Variants in HEATR5B observed in about 807,000 individuals in gnomAD.
HEATR5B encodes the protein HEAT repeat containing 5B.
A neutral mutation model predicts 224.1 loss-of-function variants in HEATR5B; 156 were observed. That is an observed-to-expected ratio of 0.70 (90% CI 0.61 to 0.80). The LOEUF (loss-of-function observed/expected upper bound fraction) is 0.80. Ranked by LOEUF, HEATR5B falls within the 30% of genes least tolerant of loss-of-function variation. The pLI, the probability that HEATR5B is intolerant of heterozygous loss-of-function variation, is 0.00. For missense variants in HEATR5B, 2,323 were observed against 2,535.5 expected (o/e 0.92, Z 1.80); for synonymous variants, 1,027 against 893.0 (o/e 1.15, Z -2.68).
At chr2:37,023,607 A>G (rs1255756672) in intron 24 of HEATR5B, among the ~76,000 whole-genome samples, 2 of 151,964 alleles carry the variant, frequency 1.3e-5, no homozygotes, top group Non-Finnish European at 2.9e-5. Flanking sequence ...CGTCTCTACT[A>G]AAAATACAAA....
intron 26 of HEATR5B, among the ~76,000 whole-genome samples, chr2:37,015,182 T>C (rs1668039266): frequency 6.6e-6 from 1 of 152,182 alleles, no homozygotes; most frequent in Non-Finnish European, 1.5e-5. Flanking sequence ...ATAGGAGAGT[T>C]ACATGAGGAA....
At position 37,084,312 on chromosome 2, in the gene HEATR5B, A is replaced by G. The variant is rs1572968674; in HGVS notation, c.-66T>C. 1 of 400,052 alleles carries G rather than the reference A, an allele frequency of 2.5e-6. No homozygotes were observed. Among genetic ancestry groups the G allele is most frequent in the Non-Finnish European group, 4.4e-6 (1 of 228,428 alleles). The allele number at this position is 400,052 out of a possible 1,614,324, so 24.8% of individuals were successfully genotyped here. A position where few individuals can be genotyped will look rare whatever the true frequency, so the allele number is the denominator to read the frequency against. Reference sequence around the variant, plus strand: ...AGATCAGCTGAGCTCCGGGGGTAGAAGCAGCCACCAAGAGACCCGGATGCC... The same window carrying G: ...AGATCAGCTGAGCTCCGGGGGTAGAGGCAGCCACCAAGAGACCCGGATGCC... On this transcript the variant is annotated 5_prime_UTR_variant, in exon 1 of 36. Transcript: ENST00000233099.
intron 7 of HEATR5B, among the ~76,000 whole-genome samples, chr2:37,069,670 G>C (rs185007692): frequency 7.2e-5 from 11 of 152,144 alleles, no homozygotes; most frequent in Admixed American, 7.2e-4. Context: ...GCAAAATGTA[G>C]GAACTTCATT....
Position 37,065,785 on chromosome 2 carries a change from C to T in HEATR5B, c.1303G>A (p.Ala435Thr), listed in dbSNP as rs1348780312. Residue 435 changes from alanine to threonine, a missense_variant, in exon 9 of 36, where the codon GCA (alanine) becomes ACA (threonine). Coordinates refer to ENST00000233099, the MANE Select transcript of HEATR5B (RefSeq NM_019024.3). The stretch of plus-strand genomic sequence containing the variant: ...GATGCTTCTTGAATAAGAGGGGATG[C>T]GGTGGCATTCAAGCTCTGCACCAGG... ...GSLVQSLNAT[A>T]SPLIQEASIG... 1.9e-6 allele frequency: 3 copies of T among 1,613,482 alleles called. No individual in the cohort carries two copies. Among genetic ancestry groups the T allele is most frequent in the South Asian group, 1.1e-5 (1 of 91,012 alleles).
Position 37,084,299 on chromosome 2 carries a change from C to T in HEATR5B, c.-53G>A, listed in dbSNP as rs1672836971. ...AGTCTGGAAGGGAAGATCAGCTGAG[C>T]TCCGGGGGTAGAAGCAGCCACCAAG... On this transcript the variant is annotated 5_prime_UTR_variant, in exon 1 of 36. Coordinates refer to ENST00000233099, the MANE Select transcript of HEATR5B (RefSeq NM_019024.3). 5.0e-6 allele frequency: 2 copies of T among 396,842 alleles called. No individual in the cohort carries two copies. Among genetic ancestry groups the T allele is most frequent in the South Asian group, 1.4e-4 (1 of 7,016 alleles). The allele number at this position is 396,842 out of a possible 1,614,324, so 24.6% of individuals were successfully genotyped here.
At chr2:37,018,083 AG>A (rs1216359324) in intron 26 of HEATR5B, among the ~76,000 whole-genome samples, 5 of 152,116 alleles carry the variant, frequency 3.3e-5, no homozygotes, top group African/African-American at 1.2e-4. Context: ...CTTAAAGGAA[AG>A]GAACTTGTAA....
chr2:37,040,911 G>T (rs1329446448), intron 19 of HEATR5B: 2 of 481,020 alleles, frequency 4.2e-6, no homozygotes, highest in Non-Finnish European at 7.3e-6. Flanking sequence ...ACAATAAAAA[G>T]AAAATATGTT....
intron 16 of HEATR5B, among the ~76,000 whole-genome samples, chr2:37,054,189 TCTG>T (rs1284305505): frequency 4.5e-5 from 5 of 110,850 alleles, no homozygotes; most frequent in South Asian, 5.8e-4. Flanking sequence ...AGATGATTTC[TCTG>T]TTTTTTTTTT....
intron 24 of HEATR5B, among the ~76,000 whole-genome samples, chr2:37,023,972 C>T (rs1259941540): frequency 6.6e-6 from 1 of 152,142 alleles, no homozygotes; most frequent in African/African-American, 2.4e-5. Context: ...CTCATGTTTA[C>T]TGCAGGACTA....
In HEATR5B at chr2:37,049,857, A is replaced by AG. The variant is rs1383676598; in HGVS notation, c.2506-15_2506-14insC. 1.4e-6 allele frequency: 2 copies of AG among 1,474,578 alleles called. No individual in the cohort carries two copies. Among genetic ancestry groups the AG allele is most frequent in the African/African-American group, 2.9e-5 (2 of 68,702 alleles). 91.3% of individuals were successfully genotyped at this position (1,474,578 alleles called of 1,614,324 possible). On this transcript the variant is annotated splice_polypyrimidine_tract_variant and intron_variant, in intron 17 of 35. Coordinates refer to ENST00000233099, the MANE Select transcript of HEATR5B (RefSeq NM_019024.3). ...TTCAGCTAAGCCCTACATTAAAAAA[A>AG]AAAAAAAAAAAAAGACAGCAATTCA... is the stretch of plus-strand genomic sequence containing the variant.
chr2:36,981,927 A>C, intron 35 of HEATR5B, 133 bp from the exon 36 acceptor site: 2 of 498,746 alleles, frequency 4.0e-6, no homozygotes, highest in South Asian at 9.4e-5. Context: ...TTAGACCTCA[A>C]TAACTCGTAA....
chr2:37,018,358 A>C (rs529265370), intron 26 of HEATR5B, among the ~76,000 whole-genome samples: 7 of 152,324 alleles, frequency 4.6e-5, no homozygotes, highest in African/African-American at 1.7e-4. Context: ...ATCATGATAC[A>C]CTTATTTACA....
At chr2:37,055,199 T>C (rs1396343990) in intron 16 of HEATR5B, 2 of 242,992 alleles carry the variant, frequency 8.2e-6, no homozygotes, top group Non-Finnish European at 8.7e-6. Flanking sequence ...ATCATGAGCA[T>C]CTTCTATCAA....
At chr2:37,065,633 TA>T in intron 9 of HEATR5B, 121 bp downstream of exon 9, 3 of 866,378 alleles carry the variant, frequency 3.5e-6, no homozygotes, top group Non-Finnish European at 3.5e-6. Flanking sequence ...TTAATTTAAG[TA>T]AAACCTGATG....
intron 28 of HEATR5B, chr2:37,008,301 T>C: frequency 2.6e-6 from 1 of 388,738 alleles, no homozygotes; most frequent in Non-Finnish European, 4.8e-6. Context: ...CATTGAACAG[T>C]ACAGCAATAT....
intron 3 of HEATR5B, among the ~76,000 whole-genome samples, chr2:37,077,492 G>C (rs769030160): frequency 1.3e-5 from 2 of 152,164 alleles, no homozygotes; most frequent in Non-Finnish European, 2.9e-5. Flanking sequence ...ATATTCAGTA[G>C]AGATGGGGTT....
In HEATR5B at chr2:36,981,628, C is replaced by T. The variant is rs763153892; in HGVS notation, c.6078G>A (p.Gly2026=). 3 of 1,614,020 alleles carry T rather than the reference C, an allele frequency of 1.9e-6. No individual in the cohort carries two copies. Among genetic ancestry groups the T allele is most frequent in the South Asian group, 2.2e-5 (2 of 91,076 alleles). The change falls in exon 36 of 36, where the codon GGG becomes GGA. Residue 2026 remains glycine, a synonymous_variant. Coordinates refer to ENST00000233099, the MANE Select transcript of HEATR5B (RefSeq NM_019024.3). Reference sequence around the variant, plus strand: ...GACGCACTTTCAACTCAGGAGCAGCCCCCATTACTGTCTTGAAAGCATGTG... The same window carrying T: ...GACGCACTTTCAACTCAGGAGCAGCTCCCATTACTGTCTTGAAAGCATGTG... ...LYPHAFKTVM[G]AAPELKVRLE...
intron 24 of HEATR5B, among the ~76,000 whole-genome samples, chr2:37,027,479 C>G (rs1225832535): frequency 6.6e-6 from 1 of 152,100 alleles, no homozygotes; most frequent in Non-Finnish European, 1.5e-5. Context: ...TACCTAATAG[C>G]ACTTCTGAAA....
In HEATR5B at chr2:37,042,889, C is replaced by CAA. The variant is rs373043531; in HGVS notation, c.2697-1599_2697-1598dup. ...CCTGGGCGACAGTGAGACTCTGTCT[C>CAA]AAAAAAAAAAAAAAAAAAAAGAAGG... is the stretch of plus-strand genomic sequence containing the variant. On this transcript the variant is annotated intron_variant, in intron 18 of 35. Transcript: ENST00000233099. 1.0e-3 allele frequency among the ~76,000 whole-genome samples: 83 copies of CAA among 80,652 alleles called. 1 individual carries two copies. Among genetic ancestry groups the CAA allele is most frequent in the African/African-American group, 2.1e-3 (37 of 17,602 alleles). 52.9% of individuals were successfully genotyped at this position (80,652 alleles called of 152,430 possible).
Sources: allele counts gnomAD v4.1 joint callset (sites outside exome capture counted in the v4.1 genomes callset), GRCh38; gene constraint gnomAD v4.1.1; transcripts MANE v1.5; gene names NCBI Gene and HGNC (gene_info 2026-07-23, HGNC 2026-07-21).